FAM98C: variants seen among roughly 807,000 people sequenced by gnomAD.
FAM98C encodes the protein tRNA splicing ligase complex subunit 3C, also known as protein FAM98C.
A neutral mutation model predicts 41.1 loss-of-function variants in FAM98C; 38 were observed. The ratio of observed to expected loss-of-function variants is 0.92; its 90% CI spans 0.71 to 1.21. FAM98C has a LOEUF of 1.21. Ranked by LOEUF, FAM98C falls within the 50% of genes most tolerant of loss-of-function variation. FAM98C has a pLI of 0.00. For missense variants in FAM98C, 493 were observed against 484.7 expected, an observed-to-expected ratio of 1.02 and a Z score of -0.16; for synonymous variants, 195 against 216.7, an observed-to-expected ratio of 0.90 and a Z score of 0.88.
At chr19:38,403,789 C>T (rs1600526613) in intron 3 of FAM98C, 95 bp downstream of exon 3, 3 of 1,327,318 alleles carry the variant, frequency 2.3e-6, no homozygotes, top group East Asian at 6.3e-5. Flanking sequence ...GGGGTGTGGT[C>T]AGAACTTTGG....
intron 7 of FAM98C, chr19:38,407,911 C>A (rs1198249269): frequency 1.3e-5 from 2 of 151,954 alleles, no homozygotes; most frequent in Non-Finnish European, 2.9e-5. Flanking sequence ...TGGCGTGAAC[C>A]CAGGAGGCGG....
At position 38,405,627 on chromosome 19, in the gene FAM98C, C is replaced by A. The variant is rs372012533; in HGVS notation, c.742C>A (p.Arg248=). ...LTTSAFHWSD[R]AEAQGEAMRA... The stretch of plus-strand genomic sequence containing the variant: ...TACATCTGCTTTCCACTGGAGTGAC[C>A]GGGCAGAGGTGTGGTGGGCAGGGGA... The change falls in exon 6 of 8, where the codon CGG becomes AGG. Residue 248 remains arginine (R), a synonymous_variant. Transcript: ENST00000252530. The A allele has an allele frequency of 6.2e-7, 1 of 1,614,084 alleles. No individual in the cohort carries two copies. The highest frequency in any genetic ancestry group is 2.2e-5 in the East Asian group (1 of 44,888).
rs945961967 is a variant in FAM98C, at chr19:38,405,418, A to T, written c.630A>T (p.Arg210Ser). ...PLLSCSLDAP[R>S]WEALESLSQS... The stretch of plus-strand genomic sequence containing the variant: ...TCAGCTGCTCGCTAGATGCACCCAG[A>T]TGGGTAAGACTGTGTGCGACTGACT... Residue 210 changes from arginine to serine, a missense_variant, in exon 5 of 8, where the codon AGA becomes AGT. By Grantham distance (110) the Arg-to-Ser change is moderately radical (BLOSUM62 -1). Coordinates refer to ENST00000252530, the MANE Select transcript of FAM98C (RefSeq NM_174905.4). 1 of 1,614,010 alleles carries T rather than the reference A, an allele frequency of 6.2e-7. No individual in the cohort carries two copies. The highest frequency in any genetic ancestry group is 8.5e-7 in the Non-Finnish European group (1 of 1,180,016).
chr19:38,404,182 C>T (rs910766605), intron 3 of FAM98C, among the ~76,000 whole-genome samples: 8 of 151,720 alleles, frequency 5.3e-5, no homozygotes, highest in African/African-American at 1.7e-4. Flanking sequence ...GTGAGCCCAC[C>T]ACGCCCGGCC....
rs764103906 is a variant in FAM98C at position 38,404,975 on chromosome 19, T to G, written c.417T>G (p.Pro139=). 5.6e-6 allele frequency: 9 copies of G among 1,614,168 alleles called. No individual in the cohort carries two copies. The highest frequency in any genetic ancestry group is 1.6e-4 in the Middle Eastern group (1 of 6,062). ...LCLRSLLDPS[P]RPPLGEGVVE... Reference sequence around the variant, plus strand: ...TCCGCTCTCTGCTGGATCCGAGTCCTAGGCCACCCCTTGGTGAAGGGGTAG... The same window carrying G: ...TCCGCTCTCTGCTGGATCCGAGTCCGAGGCCACCCCTTGGTGAAGGGGTAG... Residue 139 remains proline (P), a synonymous_variant, in exon 4 of 8, where the codon CCT becomes CCG. Coordinates refer to ENST00000252530, the MANE Select transcript of FAM98C (RefSeq NM_174905.4).
chr19:38,405,690 A>T, intron 6 of FAM98C, 55 bp downstream of exon 6: 1 of 1,533,382 alleles, frequency 6.5e-7, no homozygotes, highest in Non-Finnish European at 9.0e-7. Context: ...TGGGGGCTGC[A>T]GTTGCAGGGA....
At chr19:38,406,634 A>G (rs1024656631) in intron 6 of FAM98C, 1 of 333,900 alleles carries the variant, frequency 3.0e-6, no homozygotes, top group African/African-American at 2.1e-5. Context: ...AAAAAAAAAA[A>G]TTAGCTGGGC....
At position 38,403,487 on chromosome 19, in the gene FAM98C, GTAAA is replaced by G. The variant is rs1970995202; in HGVS notation, c.214+2_214+5del. The G allele has an allele frequency of 7.1e-7, 1 of 1,408,754 alleles. No homozygotes were observed. Among genetic ancestry groups the G allele is most frequent in the East Asian group, 3.0e-5 (1 of 33,666 alleles). The allele number at this position is 1,408,754 out of a possible 1,614,324, so 87.3% of individuals were successfully genotyped here. ...GCGGAGGTGCTGAGCGCCGGCGACG[GTAAA>G]CACGGAGCGGGAGGGTGGCAGGGGG... On this transcript the variant is annotated splice_donor_variant and splice_donor_5th_base_variant and intron_variant, in intron 2 of 7. Coordinates refer to ENST00000252530, the MANE Select transcript of FAM98C (RefSeq NM_174905.4). LOFTEE classifies it high-confidence loss of function.
rs765442289 is a variant in FAM98C, at chr19:38,408,844, C to A, written c.1012C>A (p.Pro338Thr). 1 of 1,601,232 alleles carries A rather than the reference C, an allele frequency of 6.2e-7. No individual in the cohort carries two copies. The highest frequency in any genetic ancestry group is 2.2e-5 in the East Asian group (1 of 44,512). ...TWRSRREDGG[P>T]QCWGRKKKKK... ...GAGGAGCCGAAGAGAGGATGGAGGC[C>A]CCCAGTGTTGGGGTCGCAAGAAGAA... The change falls in exon 8 of 8, where the codon CCC becomes ACC. Residue 338 changes from proline to threonine, a missense_variant. By Grantham distance (38) the Pro-to-Thr change is conservative. Transcript: ENST00000252530.
In FAM98C at chr19:38,408,773, A is replaced by AC; in HGVS notation, c.943dup (p.Arg315ProfsTer7). 6.2e-7 allele frequency: 1 copy of AC among 1,613,998 alleles called. No homozygotes were observed. Among genetic ancestry groups the AC allele is most frequent in the Non-Finnish European group, 8.5e-7 (1 of 1,179,972 alleles). ...CAGGTGCTTATGGGCAACGTTCCAG[A>AC]CCGGGGGGGCCGCCCAAATGAGCTG... On this transcript the variant is annotated frameshift_variant, in exon 8 of 8. Coordinates refer to ENST00000252530, the MANE Select transcript of FAM98C (RefSeq NM_174905.4). LOFTEE classifies it high-confidence loss of function.
rs779826981 is a variant in FAM98C at position 38,408,898 on chromosome 19, C to A, written c.*16C>A. The A allele has an allele frequency of 6.5e-7, 1 of 1,530,810 alleles. No individual in the cohort carries two copies. Among genetic ancestry groups the A allele is most frequent in the South Asian group, 1.3e-5 (1 of 79,308 alleles). 94.8% of individuals were successfully genotyped at this position (1,530,810 alleles called of 1,614,324 possible). On this transcript the variant is annotated 3_prime_UTR_variant, in exon 8 of 8. Transcript: ENST00000252530. Reference sequence around the variant, plus strand: ...GAAGAAGTAAAGGGGGACTGGTGGTCGGGGGCGGGGGGTCCTCCATGAGAT... The same window carrying A: ...GAAGAAGTAAAGGGGGACTGGTGGTAGGGGGCGGGGGGTCCTCCATGAGAT...
chr19:38,403,659 C>A lies in FAM98C; in HGVS notation c.314C>A (p.Ala105Glu), dbSNP rs1370538307. ...RALCGGDGAA[A>E]LREPGAGLRL... ...CTCTGCGGCGGGGATGGCGCGGCTG[C>A]GCTTCGGGAACCCGGTGCCGGACTG... Residue 105 changes from alanine to glutamate, a missense_variant, in exon 3 of 8, where the codon GCG (alanine) becomes GAG (glutamate). Physicochemically the swap from Ala to Glu is moderately radical, Grantham distance 107 (BLOSUM62 -1). Transcript: ENST00000252530. The A allele has an allele frequency of 1.1e-5, 16 of 1,408,950 alleles. No homozygotes were observed. The highest frequency in any genetic ancestry group is 1.4e-5 in the Non-Finnish European group (15 of 1,090,858). The allele number at this position is 1,408,950 out of a possible 1,614,324, so 87.3% of individuals were successfully genotyped here. A position where few individuals can be genotyped will look rare whatever the true frequency, so the allele number is the denominator to read the frequency against.
rs777190647 is a variant in FAM98C at position 38,408,909 on chromosome 19, G to A, written c.*27G>A. The A allele has an allele frequency of 1.9e-5, 29 of 1,539,476 alleles. No homozygotes were observed. Among genetic ancestry groups the A allele is most frequent in the Non-Finnish European group, 2.2e-5 (25 of 1,148,890 alleles). On this transcript the variant is annotated 3_prime_UTR_variant, in exon 8 of 8. Transcript: ENST00000252530. ...GGGGGACTGGTGGTCGGGGGCGGGG[G>A]GTCCTCCATGAGATGCTAATGCTAT...
Position 38,406,902 on chromosome 19 carries a change from C to G in FAM98C, c.751-8C>G, listed in dbSNP as rs751871392. The G allele has an allele frequency of 2.1e-5, 34 of 1,612,432 alleles. No homozygotes were observed. Among genetic ancestry groups the G allele is most frequent in the Non-Finnish European group, 2.6e-5 (31 of 1,178,658 alleles). ...AGGGTACCTTCTCTTACCTCCTCCC[C>G]ACTCCAGGCCCAAGGAGAGGCCATG... On this transcript the variant is annotated splice_polypyrimidine_tract_variant and splice_region_variant and intron_variant, in intron 6 of 7. Transcript: ENST00000252530.
Position 38,403,234 on chromosome 19 carries a change from G to A in FAM98C, c.65+16G>A, listed in dbSNP as rs751521464. The A allele has an allele frequency of 5.8e-6, 9 of 1,558,608 alleles. No homozygotes were observed. The highest frequency in any genetic ancestry group is 1.9e-5 in the Admixed American group (1 of 52,316). On this transcript the variant is annotated intron_variant, in intron 1 of 7. Coordinates refer to ENST00000252530, the MANE Select transcript of FAM98C (RefSeq NM_174905.4). The stretch of plus-strand genomic sequence containing the variant: ...TGGCTCTGGGGTAAAAGGGTGTGCG[G>A]TGAGGCTGGTGGGTGCAGGAAGGCC...
At chr19:38,405,199 A>G in intron 4 of FAM98C, 86 bp downstream of exon 4, 1 of 1,525,686 alleles carries the variant, frequency 6.6e-7, no homozygotes, top group Non-Finnish European at 8.9e-7. Flanking sequence ...TGGAAGGAGT[A>G]TTCCAACCAC....
At position 38,408,845 on chromosome 19, in the gene FAM98C, C is replaced by T; in HGVS notation, c.1013C>T (p.Pro338Leu). Reference protein sequence around the residue: ...TWRSRREDGGPQCWGRKKKKK... With the variant: ...TWRSRREDGGLQCWGRKKKKK... ...AGGAGCCGAAGAGAGGATGGAGGCCCCCAGTGTTGGGGTCGCAAGAAGAAG... is the reference window on the plus strand; with the variant it reads ...AGGAGCCGAAGAGAGGATGGAGGCCTCCAGTGTTGGGGTCGCAAGAAGAAG... Residue 338 changes from proline (P) to leucine (L), a missense_variant, in exon 8 of 8, where the codon CCC becomes CTC. Pro to Leu is a moderately conservative substitution (Grantham distance 98). Coordinates refer to ENST00000252530, the MANE Select transcript of FAM98C (RefSeq NM_174905.4). 1 of 1,600,346 alleles carries T rather than the reference C, an allele frequency of 6.2e-7. No homozygotes were observed. The highest frequency in any genetic ancestry group is 1.1e-5 in the South Asian group (1 of 89,212).
rs1391102612 is a variant in FAM98C, at chr19:38,403,477, G to T, written c.205G>T (p.Ala69Ser). Residue 69 changes from alanine to serine, a missense_variant, in exon 2 of 8, where the codon GCC becomes TCC. Coordinates refer to ENST00000252530, the MANE Select transcript of FAM98C (RefSeq NM_174905.4). The stretch of plus-strand genomic sequence containing the variant: ...AGAGGCGGGCGCGGAGGTGCTGAGC[G>T]CCGGCGACGGTAAACACGGAGCGGG... Reference protein sequence around the residue: ...QREAGAEVLSAGDGPGAEEDF... With the variant: ...QREAGAEVLSSGDGPGAEEDF... 22 of 1,405,780 alleles carry T rather than the reference G, an allele frequency of 1.6e-5. No individual in the cohort carries two copies. Among genetic ancestry groups the T allele is most frequent in the Non-Finnish European group, 2.0e-5 (22 of 1,090,650 alleles). The allele number at this position is 1,405,780 out of a possible 1,614,324, so 87.1% of individuals were successfully genotyped here. A position where few individuals can be genotyped will look rare whatever the true frequency, so the allele number is the denominator to read the frequency against.
chr19:38,408,409 A>G, intron 7 of FAM98C: 1 of 225,524 alleles, frequency 4.4e-6, no homozygotes, highest in Non-Finnish European at 8.9e-6. Flanking sequence ...AATATAAAAA[A>G]TTAGCCAGGC....
Sources: gnomAD v4.1 joint callset for allele counts (sites outside exome capture counted in the v4.1 genomes callset) on GRCh38, gnomAD v4.1.1 for gene constraint, MANE v1.5 for transcripts, NCBI Gene and HGNC (gene_info 2026-07-23, HGNC 2026-07-21) for gene names.